GRIK5: variants seen among roughly 807,000 people sequenced by gnomAD.
GRIK5 encodes glutamate receptor ionotropic, kainate 5.
GRIK5 carries 43 observed loss-of-function variants against 97.4 expected under a neutral mutation model. That is an observed-to-expected ratio of 0.44 (90% CI 0.35 to 0.57). The LOEUF is 0.57. GRIK5 is among the 20% of genes least tolerant of loss of function. The pLI is 0.01. For missense variants in GRIK5, 1,015 were observed against 1,382.0 expected (o/e 0.73, Z 4.21); for synonymous variants, 580 against 583.5 (o/e 0.99, Z 0.09).
chr19:42,068,808 A>C (rs1237746448), intron 1 of GRIK5: 1 of 603,248 alleles, frequency 1.7e-6, no homozygotes, highest in East Asian at 3.0e-5. Flanking sequence ...AAAAGCGGAA[A>C]GACATATCCA....
chr19:42,041,687 C>T (rs1040568213), intron 12 of GRIK5, among the ~76,000 whole-genome samples: 1 of 152,184 alleles, frequency 6.6e-6, no homozygotes, highest in African/African-American at 2.4e-5. Flanking sequence ...CACGCTCAGG[C>T]CCCGCTGGTT....
intron 12 of GRIK5, among the ~76,000 whole-genome samples, chr19:42,024,385 G>T (rs191066250): frequency 4.5e-4 from 68 of 152,082 alleles, no homozygotes; most frequent in African/African-American, 1.4e-3. Flanking sequence ...GCTGATTTTT[G>T]TATTTTTTGT....
chr19:42,019,307 C>T (rs2075669057), intron 15 of GRIK5, among the ~76,000 whole-genome samples: 1 of 152,166 alleles, frequency 6.6e-6, no homozygotes, highest in Non-Finnish European at 1.5e-5. Flanking sequence ...GCATGGACGA[C>T]TCTGTTTCTG....
rs139087410 is a variant in GRIK5 at position 42,003,737 on chromosome 19, G to A, written c.2264-54C>T. The A allele has an allele frequency of 9.0e-5, 137 of 1,514,908 alleles. No homozygotes were observed. Among genetic ancestry groups the A allele is most frequent in the Admixed American group, 7.0e-4 (32 of 45,908 alleles). The allele number at this position is 1,514,908 out of a possible 1,614,324, so 93.8% of individuals were successfully genotyped here. On this transcript the variant is annotated intron_variant, in intron 17 of 19. Coordinates refer to ENST00000593562, the MANE Select transcript of GRIK5 (RefSeq NM_002088.5). The surrounding 1 kb of genome is among the most constrained non-coding windows in gnomAD (Gnocchi z 4.2). ...GCCATCGGGCCCTGCAGCCCTGACCGCCCCAAACCCCAAACTGTGCCCTCA... is the reference window on the plus strand; with the variant it reads ...GCCATCGGGCCCTGCAGCCCTGACCACCCCAAACCCCAAACTGTGCCCTCA...
intron 15 of GRIK5, among the ~76,000 whole-genome samples, chr19:42,007,999 T>A (rs2075513968): frequency 6.6e-6 from 1 of 152,006 alleles, no homozygotes; most frequent in East Asian, 1.9e-4. Flanking sequence ...TGTAAAAAAA[T>A]ATATTCAGCA....
chr19:42,030,076 G>T (rs184600202), intron 12 of GRIK5, among the ~76,000 whole-genome samples: 1 of 152,244 alleles, frequency 6.6e-6, no homozygotes, highest in African/African-American at 2.4e-5. Context: ...AAGTTAGCTG[G>T]TTAACAACTT....
At chr19:42,001,094 C>T (rs1227823378) in intron 19 of GRIK5, among the ~76,000 whole-genome samples, 6 of 152,134 alleles carry the variant, frequency 3.9e-5, no homozygotes, top group African/African-American at 1.4e-4. Context: ...TTCTTCCTGA[C>T]CTAAATCAAC....
At position 42,005,746 on chromosome 19, in the gene GRIK5, C is replaced by T. The variant is rs2075481522; in HGVS notation, c.2240G>A (p.Gly747Asp). ...TQIGGLLDTK[G>D]YGIGMPLGSP... ...ACCCAGCGGCATGCCAATGCCGTAG[C>T]CCTTGGTGTCGAGGAGTCCCCCGAT... Residue 747 changes from glycine (G) to aspartate (D), a missense_variant, in exon 17 of 20, where the codon GGC becomes GAC. Gly to Asp is a moderately conservative substitution (Grantham distance 94). Coordinates refer to ENST00000593562, the MANE Select transcript of GRIK5 (RefSeq NM_002088.5). 6.2e-7 allele frequency: 1 copy of T among 1,612,578 alleles called. No individual in the cohort carries two copies. The highest frequency in any genetic ancestry group is 1.1e-5 in the South Asian group (1 of 91,026).
chr19:42,005,941 C>G lies in GRIK5; in HGVS notation c.2045G>C (p.Arg682Pro), dbSNP rs1555872525. ...CCACATGCGCTGGTACGTTTGGTACCGTGAATTCTGGGCAGGAGGATCACA... is the reference window on the plus strand; with the variant it reads ...CCACATGCGCTGGTACGTTTGGTACGGTGAATTCTGGGCAGGAGGATCACA... ...GSTMTFFQNS[R>P]YQTYQRMWNY... Residue 682 changes from arginine to proline, a missense_variant, in exon 17 of 20, where the codon CGG becomes CCG. Arg to Pro is a moderately radical substitution (Grantham distance 103, BLOSUM62 -2). Transcript: ENST00000593562. 1.3e-6 allele frequency: 2 copies of G among 1,548,272 alleles called. No individual in the cohort carries two copies. Among genetic ancestry groups the G allele is most frequent in the South Asian group, 1.1e-5 (1 of 87,200 alleles).
chr19:42,014,888 C>T (rs760067883), intron 15 of GRIK5, among the ~76,000 whole-genome samples: 8 of 152,080 alleles, frequency 5.3e-5, no homozygotes, highest in African/African-American at 1.9e-4. Context: ...GACCCTATCT[C>T]TATTTAAAAG....
intron 3 of GRIK5, among the ~76,000 whole-genome samples, chr19:42,063,135 T>G (rs1490000896): frequency 6.6e-6 from 1 of 152,148 alleles, no homozygotes; most frequent in Non-Finnish European, 1.5e-5. Flanking sequence ...ACCAGGGGCC[T>G]CCTCTGCCTA....
chr19:42,067,582 G>C (rs751938525), intron 1 of GRIK5, among the ~76,000 whole-genome samples: 2 of 152,158 alleles, frequency 1.3e-5, no homozygotes, highest in Admixed American at 6.5e-5. Flanking sequence ...TGAGACACCA[G>C]GGACTCCTGG....
intron 11 of GRIK5, among the ~76,000 whole-genome samples, chr19:42,049,914 T>C (rs776654339): frequency 7.2e-5 from 11 of 152,110 alleles, no homozygotes; most frequent in Non-Finnish European, 1.0e-4. Flanking sequence ...CTCACTCTGC[T>C]ATGAATATTT....
chr19:42,057,721 C>T (rs2076206119), intron 6 of GRIK5, among the ~76,000 whole-genome samples: 1 of 152,098 alleles, frequency 6.6e-6, no homozygotes, highest in Admixed American at 6.6e-5. Context: ...GGTTGGGCTG[C>T]AAATGTGTAG....
chr19:42,052,940 G>A (rs917880302), intron 11 of GRIK5, among the ~76,000 whole-genome samples: 9 of 152,352 alleles, frequency 5.9e-5, no homozygotes, highest in African/African-American at 2.2e-4. Context: ...AAGCTCACAA[G>A]GGTAGCCGTG....
chr19:42,065,248 G>C lies in GRIK5; in HGVS notation c.219C>G (p.Asp73Glu). ...TGGTGTCCGTGGTCTCGTACTGGCT[G>C]TCCCGCTGCAGCTCAAAGATGTCTA... is the stretch of plus-strand genomic sequence containing the variant. ...VEVDIFELQR[D>E]SQYETTDTMC... Residue 73 changes from aspartate to glutamate, a missense_variant, in exon 3 of 20, where the codon GAC becomes GAG. Asp to Glu is a conservative substitution (Grantham distance 45). Coordinates refer to ENST00000593562, the MANE Select transcript of GRIK5 (RefSeq NM_002088.5). The surrounding 1 kb of genome is among the most constrained non-coding windows in gnomAD (Gnocchi z 5.8). 1.9e-6 allele frequency: 3 copies of C among 1,612,808 alleles called. No homozygotes were observed. The highest frequency in any genetic ancestry group is 1.7e-5 in the Admixed American group (1 of 59,948).
rs772424091 is a variant in GRIK5, at chr19:42,021,341, T to A, written c.1831A>T (p.Met611Leu). ...GGFMQQGSEI[M>L]PRALSTRCVS... ...CAGCGCGTGGACAGCGCCCGGGGCA[T>A]GATCTCCGAGCCCTGCTGCATGAAG... Residue 611 changes from methionine to leucine, a missense_variant, in exon 15 of 20, where the codon ATG becomes TTG. Met to Leu is a conservative substitution (Grantham distance 15). Around this residue, in one of 5 missense-constraint regions of GRIK5, gnomAD observed 477 missense variants for 701.1 expected, o/e 0.68. Coordinates refer to ENST00000593562, the MANE Select transcript of GRIK5 (RefSeq NM_002088.5). This position sits in a 1 kb window ranked among gnomAD's most constrained non-coding sequence, Gnocchi z 4.2. 5.6e-6 allele frequency: 9 copies of A among 1,613,456 alleles called. No homozygotes were observed. The East Asian group carries it at 1.8e-4, about 32-fold the overall frequency.
Position 42,032,299 on chromosome 19 carries a change from T to C in GRIK5, c.1474-9945A>G, listed in dbSNP as rs146284549. 6.8e-3 allele frequency among the ~76,000 whole-genome samples: 1,043 copies of C among 152,340 alleles called. 4 individuals are homozygous for C. Among genetic ancestry groups the C allele is most frequent in the Non-Finnish European group, 0.012 (816 of 68,030 alleles). On this transcript the variant is annotated intron_variant, in intron 12 of 19. Coordinates refer to ENST00000593562, the MANE Select transcript of GRIK5 (RefSeq NM_002088.5). ...ATGATATTATATTTGGCCTTTGAGATGGGCAAAGATTTTATTTTAGAGATT... is the reference window on the plus strand; with the variant it reads ...ATGATATTATATTTGGCCTTTGAGACGGGCAAAGATTTTATTTTAGAGATT...
rs544903184 is a variant in GRIK5, at chr19:42,003,159, G to A, written c.2514+173C>T. Among the ~76,000 whole-genome samples, 2 of 151,736 alleles carry A rather than the reference G, an allele frequency of 1.3e-5. No homozygotes were observed. Among genetic ancestry groups the A allele is most frequent in the South Asian group, 2.1e-4 (1 of 4,790 alleles). ...TACTTTCCCTCCTGTTCTTCCTCACGCGCTGATTCTCTGGCCCCATCAGCT... is the reference window on the plus strand; with the variant it reads ...TACTTTCCCTCCTGTTCTTCCTCACACGCTGATTCTCTGGCCCCATCAGCT... On this transcript the variant is annotated intron_variant, in intron 19 of 19. Coordinates refer to ENST00000593562, the MANE Select transcript of GRIK5 (RefSeq NM_002088.5). This position sits in a 1 kb window ranked among gnomAD's most constrained non-coding sequence, Gnocchi z 4.2.
Sources: gnomAD v4.1 joint callset for allele counts (sites outside exome capture counted in the v4.1 genomes callset) on GRCh38, gnomAD v4.1.1 for gene constraint, gnomAD v4.1.1 regional missense constraint, Gnocchi (gnomAD v3.1) non-coding constraint, MANE v1.5 for transcripts, NCBI Gene and HGNC (gene_info 2026-07-23, HGNC 2026-07-21) for gene names.